Variants in PDE1C observed in about 807,000 individuals in gnomAD.
The protein encoded by PDE1C is dual specificity calcium/calmodulin-dependent 3',5'-cyclic nucleotide phosphodiesterase 1C.
In PDE1C, 62 loss-of-function variants were observed where a neutral mutation model predicts 93.1. That is an observed-to-expected ratio of 0.67 (90% confidence interval 0.54 to 0.82). PDE1C has a LOEUF of 0.82. Among genes scored for constraint, PDE1C ranks in the 40% least tolerant of loss-of-function variants. PDE1C has a pLI of 0.00. For synonymous variants in PDE1C, 325 were observed against 310.1 expected, an observed-to-expected ratio of 1.05 and a Z score of -0.50; for missense variants, 742 against 884.6, an observed-to-expected ratio of 0.84 and a Z score of 2.04.
At chr7:32,203,875 A>T (rs1805209958) in intron 2 of PDE1C, among the ~76,000 whole-genome samples, 1 of 152,208 alleles carries the variant, frequency 6.6e-6, no homozygotes, top group South Asian at 2.1e-4. Context: ...ACAGTTTCAC[A>T]GATAGAAAAT....
chr7:32,016,370 C>T (rs999070446), intron 2 of PDE1C, among the ~76,000 whole-genome samples: 6 of 152,232 alleles, frequency 3.9e-5, no homozygotes, highest in African/African-American at 1.4e-4. Context: ...TACCCTGAAT[C>T]AGTATCAGAG....
At chr7:31,968,247 C>T (rs1334513372) in intron 2 of PDE1C, among the ~76,000 whole-genome samples, 1 of 152,152 alleles carries the variant, frequency 6.6e-6, no homozygotes, top group Non-Finnish European at 1.5e-5. Flanking sequence ...AGCTAATAAG[C>T]AACTTCAGCT....
chr7:31,706,153 C>G, the PDE1C span, among the ~76,000 whole-genome samples: 1 of 151,236 alleles, frequency 6.6e-6, no homozygotes, highest in Non-Finnish European at 1.5e-5. Flanking sequence ...TACAGGTGCC[C>G]GCCACCATGC....
the PDE1C span, among the ~76,000 whole-genome samples, chr7:31,743,022 C>A: frequency 6.6e-6 from 1 of 152,100 alleles, no homozygotes; most frequent in African/African-American, 2.4e-5. Context: ...CTCTCTATTT[C>A]CAATGCCACC....
upstream of PDE1C, among the ~76,000 whole-genome samples, chr7:32,072,796 A>C (rs1028610310): frequency 1.2e-4 from 19 of 152,230 alleles, no homozygotes; most frequent in Admixed American, 2.6e-4. Flanking sequence ...GAGAAAACTG[A>C]ACTAGAAAAG....
Position 32,287,153 on chromosome 7 carries a change from T to G in PDE1C, c.85+11498A>C, listed in dbSNP as rs115907500. ...TTCTCCACAGCATAGCCAGAGTGTG[T>G]GTTTATAAACAGAAATCTGATCTTG... On this transcript the variant is annotated intron_variant, in intron 1 of 18. Coordinates refer to the PDE1C transcript ENST00000396193. Among the ~76,000 whole-genome samples the G allele has an allele frequency of 9.6e-3, 1,459 of 152,332 alleles. 24 individuals carry two copies. The highest frequency in any genetic ancestry group is 0.033 in the African/African-American group (1,352 of 41,578).
chr7:31,692,519 C>T, the PDE1C span: 1 of 1,595,954 alleles, frequency 6.3e-7, no homozygotes, highest in African/African-American at 1.3e-5. Context: ...GTTGCAGCCA[C>T]TTAGGTAAAC....
chr7:32,219,652 C>A (rs940542470), intron 1 of PDE1C, among the ~76,000 whole-genome samples: 6 of 152,172 alleles, frequency 3.9e-5, no homozygotes, highest in African/African-American at 1.4e-4. Flanking sequence ...CTGGTTGATA[C>A]CCTGGTGGCC....
At chr7:31,900,755 T>C (rs1799874459) in intron 2 of PDE1C, among the ~76,000 whole-genome samples, 1 of 151,932 alleles carries the variant, frequency 6.6e-6, no homozygotes, top group Non-Finnish European at 1.5e-5. Flanking sequence ...TAGAATTTTC[T>C]GTTTCAGAGT....
downstream of PDE1C, among the ~76,000 whole-genome samples, chr7:31,747,307 T>C (rs533676739): frequency 6.6e-6 from 1 of 152,326 alleles, no homozygotes; most frequent in Admixed American, 6.5e-5. Flanking sequence ...CTGAAAAATT[T>C]AACCCATTGG....
rs201547417 is a variant in PDE1C at position 32,396,528 on chromosome 7, G to T, written c.310+31294C>A. ...GGATATGCATATTGAAGTATGGGGGGGGGGAGTGTTGTAATGTCTTCAACT... is the reference window on the plus strand; with the variant it reads ...GGATATGCATATTGAAGTATGGGGGTGGGGAGTGTTGTAATGTCTTCAACT... On this transcript the variant is annotated intron_variant, in intron 1 of 1. Transcript: ENST00000672256. 6.6e-5 allele frequency among the ~76,000 whole-genome samples: 10 copies of T among 150,806 alleles called. No homozygotes were observed. In the East Asian group the frequency reaches 1.4e-3, roughly 21 times the overall value.
At chr7:32,169,087 C>T (rs967429505) in intron 3 of PDE1C, among the ~76,000 whole-genome samples, 1 of 151,992 alleles carries the variant, frequency 6.6e-6, no homozygotes, top group African/African-American at 2.4e-5. Context: ...ACCAGTAGTA[C>T]TGTAAATATA....
chr7:31,853,723 T>C (rs1277520798), intron 7 of PDE1C, among the ~76,000 whole-genome samples: 3 of 151,642 alleles, frequency 2.0e-5, no homozygotes, highest in Admixed American at 6.6e-5. Flanking sequence ...GTTTTTGTTT[T>C]TTTTTAAACA....
chr7:32,274,048 AAGATAGTTAAATCTTAAGAGAGTTCT>A (rs1387137273), intron 1 of PDE1C, among the ~76,000 whole-genome samples: 1 of 152,118 alleles, frequency 6.6e-6, no homozygotes. Flanking sequence ...GGAAAGCTTG[AAGATAGTTAAATCTTAAGAGAGTTCT>A]AGAACTAGAA....
chr7:31,938,146 A>C (rs979745953), intron 2 of PDE1C, among the ~76,000 whole-genome samples: 2 of 151,706 alleles, frequency 1.3e-5, no homozygotes, highest in Non-Finnish European at 2.9e-5. Context: ...TGTAGATACA[A>C]TCTAGGGCCT....
intron 2 of PDE1C, among the ~76,000 whole-genome samples, chr7:31,916,410 G>A (rs1023975550): frequency 6.6e-6 from 1 of 152,136 alleles, no homozygotes; most frequent in African/African-American, 2.4e-5. Context: ...TAGAAAGTAA[G>A]ACCACAGAAA....
At chr7:31,879,827 C>T (rs1797023521) in intron 3 of PDE1C, among the ~76,000 whole-genome samples, 1 of 152,066 alleles carries the variant, frequency 6.6e-6, no homozygotes, top group Admixed American at 6.5e-5. Flanking sequence ...TAAAATAAAA[C>T]CTAAAATAGC....
chr7:31,959,837 A>G (rs2129029620), intron 2 of PDE1C, among the ~76,000 whole-genome samples: 1 of 152,208 alleles, frequency 6.6e-6, no homozygotes, highest in South Asian at 2.1e-4. Context: ...AATATGTAGA[A>G]TGCACTAGAA....
intron 2 of PDE1C, among the ~76,000 whole-genome samples, chr7:31,918,627 T>C (rs1323749236): frequency 3.3e-5 from 5 of 152,238 alleles, no homozygotes; most frequent in African/African-American, 1.2e-4. Flanking sequence ...TCCTTCTCTG[T>C]AGGCTTTCTG....
Sources: allele counts gnomAD v4.1 joint callset (sites outside exome capture counted in the v4.1 genomes callset), GRCh38; gene constraint gnomAD v4.1.1; transcripts MANE v1.5; gene names NCBI Gene and HGNC (gene_info 2026-07-23, HGNC 2026-07-21).